OTUD7A: variants seen among roughly 807,000 people sequenced by gnomAD.
The protein encoded by OTUD7A is OTU deubiquitinase 7A.
In OTUD7A, 12 loss-of-function variants were observed where a neutral mutation model predicts 65.7. The observed-to-expected ratio is 0.18, with a 90% CI of 0.12 to 0.30. The LOEUF (loss-of-function observed/expected upper bound fraction) is 0.30. OTUD7A is among the 10% of genes least tolerant of loss of function. OTUD7A has a pLI of 1.00. For synonymous variants in OTUD7A, 641 were observed against 586.3 expected, an observed-to-expected ratio of 1.09 and a Z score of -1.35; for missense variants, 1,148 against 1,304.8, an observed-to-expected ratio of 0.88 and a Z score of 1.85.
chr15:31,623,794 C>T (rs1488795933), intron 3 of OTUD7A, among the ~76,000 whole-genome samples: 1 of 152,180 alleles, frequency 6.6e-6, no homozygotes, highest in Non-Finnish European at 1.5e-5. Context: ...TCTGACAAGC[C>T]CCAGTGAGAT....
intron 8 of OTUD7A, among the ~76,000 whole-genome samples, chr15:31,506,544 T>C (rs986677058): frequency 1.2e-4 from 19 of 152,142 alleles, no homozygotes; most frequent in African/African-American, 4.3e-4. Context: ...TTTTTTTAGA[T>C]TGATGAAATG....
rs1042798479 is a variant in OTUD7A, at chr15:31,498,119, G to C, written c.1171+3571C>G. Among the ~76,000 whole-genome samples, 1 of 152,176 alleles carries C rather than the reference G, an allele frequency of 6.6e-6. No homozygotes were observed. The highest frequency in any genetic ancestry group is 2.4e-5 in the African/African-American group (1 of 41,444). On this transcript the variant is annotated intron_variant, in intron 10 of 12. Transcript: ENST00000307050. The surrounding 1 kb of genome is among the most constrained non-coding windows in gnomAD (Gnocchi z 4.2). Reference sequence around the variant, plus strand: ...GGGCAAGGCTGTGCTTGGCTTGTTTGGGACTTTACCAAGAGTTAGCTGCCA... The same window carrying C: ...GGGCAAGGCTGTGCTTGGCTTGTTTCGGACTTTACCAAGAGTTAGCTGCCA...
At chr15:31,589,976 C>G (rs555537545) in intron 3 of OTUD7A, among the ~76,000 whole-genome samples, 2 of 152,038 alleles carry the variant, frequency 1.3e-5, no homozygotes, top group African/African-American at 4.8e-5. Flanking sequence ...ATATATATAT[C>G]AACTGAGTGA....
At chr15:31,638,931 G>A (rs1456562368) in intron 3 of OTUD7A, among the ~76,000 whole-genome samples, 2 of 152,120 alleles carry the variant, frequency 1.3e-5, no homozygotes, top group Non-Finnish European at 2.9e-5. Flanking sequence ...TCAGGAGATC[G>A]AGACCATCCC....
chr15:31,506,677 C>T (rs946317428), intron 8 of OTUD7A, among the ~76,000 whole-genome samples: 1 of 151,940 alleles, frequency 6.6e-6, no homozygotes, highest in Non-Finnish European at 1.5e-5. Context: ...GATTGATGGG[C>T]GAGCTTTTGG....
chr15:31,759,434 A>C (rs1894900715), intron 1 of OTUD7A, among the ~76,000 whole-genome samples: 1 of 152,214 alleles, frequency 6.6e-6, no homozygotes, highest in South Asian at 2.1e-4. Flanking sequence ...CAGGGCCTAC[A>C]TTCTGCTAAT....
At chr15:31,759,997 T>C (rs925281734) in intron 1 of OTUD7A, among the ~76,000 whole-genome samples, 4 of 152,220 alleles carry the variant, frequency 2.6e-5, no homozygotes, top group Non-Finnish European at 5.9e-5. Context: ...AACTGCTAAA[T>C]TGTTTTATTT....
At chr15:31,626,185 T>G (rs1488541020) in intron 3 of OTUD7A, among the ~76,000 whole-genome samples, 1 of 152,174 alleles carries the variant, frequency 6.6e-6, no homozygotes, top group African/African-American at 2.4e-5. Context: ...GCACATAGAT[T>G]TTACCATAAA....
At chr15:31,860,941 G>A (rs1194049310) in intron 1 of OTUD7A, among the ~76,000 whole-genome samples, 4 of 142,238 alleles carry the variant, frequency 2.8e-5, no homozygotes, top group Non-Finnish European at 4.5e-5. Flanking sequence ...GGATGGTCTC[G>A]ATCTCCTGAC....
At chr15:31,813,444 C>T (rs1417283224) in intron 1 of OTUD7A, among the ~76,000 whole-genome samples, 1 of 152,204 alleles carries the variant, frequency 6.6e-6, no homozygotes, top group East Asian at 1.9e-4. Context: ...TATTCTACTG[C>T]TCCAAGATTC....
At chr15:31,524,140 G>GCT (rs1555393148) in intron 8 of OTUD7A, among the ~76,000 whole-genome samples, 1 of 147,190 alleles carries the variant, frequency 6.8e-6, no homozygotes, top group Non-Finnish European at 1.5e-5. Flanking sequence ...TGAGTTTTTT[G>GCT]TTTTTTTTTT....
intron 1 of OTUD7A, among the ~76,000 whole-genome samples, chr15:31,691,989 C>A (rs1892970880): frequency 3.0e-5 from 1 of 32,856 alleles, no homozygotes; most frequent in Non-Finnish European, 9.4e-5. Context: ...CACTAATCAC[C>A]AGGGAAATGC....
intron 8 of OTUD7A, among the ~76,000 whole-genome samples, chr15:31,515,752 C>G (rs1282024268): frequency 2.9e-5 from 2 of 68,386 alleles, no homozygotes; most frequent in Non-Finnish European, 6.5e-5. Context: ...ATGCCATCCA[C>G]CCACCCACCC....
chr15:31,734,873 A>T (rs1478223928), intron 1 of OTUD7A, among the ~76,000 whole-genome samples: 1 of 152,046 alleles, frequency 6.6e-6, no homozygotes, highest in Non-Finnish European at 1.5e-5. Flanking sequence ...AGATGCCAAA[A>T]GCAATTGCAA....
chr15:31,774,719 G>A (rs980761067), intron 1 of OTUD7A, among the ~76,000 whole-genome samples: 1 of 152,190 alleles, frequency 6.6e-6, no homozygotes, highest in Non-Finnish European at 1.5e-5. Flanking sequence ...CTTCAAACAT[G>A]ATCCCAGTTG....
At chr15:31,778,757 G>GCACATACACACACAC (rs1567018686) in intron 1 of OTUD7A, among the ~76,000 whole-genome samples, 3 of 145,156 alleles carry the variant, frequency 2.1e-5, no homozygotes, top group African/African-American at 8.5e-5. Context: ...CACACACACA[G>GCACATACACACACAC]ACACGCACAT....
intron 1 of OTUD7A, among the ~76,000 whole-genome samples, chr15:31,666,405 T>C (rs1291553651): frequency 1.3e-5 from 2 of 152,170 alleles, no homozygotes; most frequent in Admixed American, 1.3e-4. Flanking sequence ...TTTATGTGTG[T>C]AAAGGTGTTC....
intron 8 of OTUD7A, among the ~76,000 whole-genome samples, chr15:31,510,401 G>A (rs1278193862): frequency 6.6e-6 from 1 of 150,568 alleles, no homozygotes; most frequent in Non-Finnish European, 1.5e-5. Flanking sequence ...CCTTCCCCTA[G>A]AGGAGCGACT....
chr15:31,847,153 C>T (rs563843203), intron 1 of OTUD7A, among the ~76,000 whole-genome samples: 1 of 152,186 alleles, frequency 6.6e-6, no homozygotes, highest in Non-Finnish European at 1.5e-5. Context: ...ACACAGAGGG[C>T]GTGATGGGGC....
Sources: gnomAD v4.1 joint callset for allele counts (sites outside exome capture counted in the v4.1 genomes callset) on GRCh38, gnomAD v4.1.1 for gene constraint, Gnocchi (gnomAD v3.1) non-coding constraint, MANE v1.5 for transcripts, NCBI Gene and HGNC (gene_info 2026-07-23, HGNC 2026-07-21) for gene names.